PCDHGB2: variants seen among roughly 807,000 people sequenced by gnomAD.
PCDHGB2 encodes protocadherin gamma-B2.
PCDHGB2 carries 55 observed loss-of-function variants against 59.3 expected under a neutral mutation model. The ratio of observed to expected loss-of-function variants is 0.93; its 90% CI spans 0.75 to 1.16. The LOEUF (loss-of-function observed/expected upper bound fraction) is 1.16, where lower values mean the gene tolerates loss of function less well. PCDHGB2 is among the 50% of genes most tolerant of loss of function. The pLI, the probability that PCDHGB2 is intolerant of heterozygous loss-of-function variation, is 0.00. For missense variants in PCDHGB2, 1,228 were observed against 1,198.5 expected, an observed-to-expected ratio of 1.02 and a Z score of -0.36; for synonymous variants, 516 against 512.0, an observed-to-expected ratio of 1.01 and a Z score of -0.11.
At chr5:141,371,952 T>A in intron 1 of PCDHGB2, 1 of 1,613,260 alleles carries the variant, frequency 6.2e-7, no homozygotes. Flanking sequence ...GCAGCGAGCC[T>A]TCGACCACGA....
At chr5:141,390,859 T>C (rs951468573) in intron 1 of PCDHGB2, 3 of 151,114 alleles carry the variant, frequency 2.0e-5, no homozygotes, top group Admixed American at 1.3e-4. Flanking sequence ...CAGTGTACGC[T>C]GTGTGTGCGT....
intron 1 of PCDHGB2, among the ~76,000 whole-genome samples, chr5:141,472,924 T>G (rs1247655318): frequency 2.0e-5 from 3 of 147,960 alleles, no homozygotes; most frequent in African/African-American, 7.5e-5. Flanking sequence ...AGGAGGAGGT[T>G]GTGGTGAGCC....
At position 141,423,386 on chromosome 5, in the gene PCDHGB2, G is replaced by C; in HGVS notation, c.2421+60830G>C. ...CTGCTGGCACTCAGGCTGTGGCGCT[G>C]GCATAAGTCACGCCTGCTGCAGGCT... On this transcript the variant is annotated intron_variant, in intron 1 of 3. Transcript: ENST00000522605. The C allele has an allele frequency of 1.9e-6, 3 of 1,614,160 alleles. No homozygotes were observed. The South Asian group carries it at 3.3e-5, about 18-fold the overall frequency.
intron 2 of PCDHGB2, among the ~76,000 whole-genome samples, chr5:141,504,741 T>C (rs968590796): frequency 2.6e-5 from 4 of 151,826 alleles, no homozygotes; most frequent in South Asian, 2.1e-4. Context: ...TAGGAAGCCA[T>C]TGAATTTTAG....
rs1255326344 is a variant in PCDHGB2, at chr5:141,431,636, A to G, written c.2422-63171A>G. 6.2e-7 allele frequency: 1 copy of G among 1,614,254 alleles called. No homozygotes were observed. ...GGACGACAAGGCGGCCCAAGTTTTC[A>G]AACTAGATTGTAATTCAGGGACAAT... On this transcript the variant is annotated intron_variant, in intron 1 of 3. Transcript: ENST00000522605. This position sits in a 1 kb window ranked among gnomAD's most constrained non-coding sequence, Gnocchi z 4.8.
chr5:141,436,287 T>A (rs565612572), intron 1 of PCDHGB2, among the ~76,000 whole-genome samples: 1 of 152,262 alleles, frequency 6.6e-6, no homozygotes, highest in Admixed American at 6.5e-5. Context: ...TAGGAACAAA[T>A]CATTGAGAGT....
chr5:141,490,374 C>T lies in PCDHGB2; in HGVS notation c.2422-4433C>T, dbSNP rs1452417604. 1.2e-6 allele frequency: 2 copies of T among 1,614,082 alleles called. No homozygotes were observed. Among genetic ancestry groups the T allele is most frequent in the Middle Eastern group, 1.6e-4 (1 of 6,084 alleles). ...GGTTGTTTAATGTGCGAGACCGGGA[C>T]TCAGGTAGAAATGGTGAAGTGAGCC... On this transcript the variant is annotated intron_variant, in intron 1 of 3. Coordinates refer to ENST00000522605, the MANE Select transcript of PCDHGB2 (RefSeq NM_018923.3). This position sits in a 1 kb window ranked among gnomAD's most constrained non-coding sequence, Gnocchi z 5.4.
chr5:141,364,942 A>G (rs768570129), intron 1 of PCDHGB2: 1 of 1,613,802 alleles, frequency 6.2e-7, no homozygotes, highest in East Asian at 2.2e-5. Context: ...ACCGCGAGAA[A>G]GAGACTGTTC....
At chr5:141,376,518 T>G in intron 1 of PCDHGB2, 1 of 1,613,924 alleles carries the variant, frequency 6.2e-7, no homozygotes, top group Non-Finnish European at 8.5e-7. Context: ...GTGAGTTTCT[T>G]TCCGCCTAAG....
chr5:141,371,147 T>G (rs1383396635), intron 1 of PCDHGB2: 1 of 1,614,026 alleles, frequency 6.2e-7, no homozygotes, highest in South Asian at 1.1e-5. Context: ...GGGTCAATGT[T>G]GCAGAGAACC....
intron 1 of PCDHGB2, chr5:141,426,778 C>A (rs780981970): frequency 2.2e-6 from 1 of 456,716 alleles, no homozygotes; most frequent in South Asian, 1.5e-5. Context: ...GGGCCTCACT[C>A]TCTCCAGAGT....
At chr5:141,421,613 A>G in intron 1 of PCDHGB2, 2 of 1,613,838 alleles carry the variant, frequency 1.2e-6, no homozygotes, top group South Asian at 2.2e-5. Flanking sequence ...GATATTAATG[A>G]TAACGCCCCC....
rs372168887 is a variant in PCDHGB2, at chr5:141,477,322, C to T, written c.2422-17485C>T. On this transcript the variant is annotated intron_variant, in intron 1 of 3. Transcript: ENST00000522605. The surrounding 1 kb of genome is among the most constrained non-coding windows in gnomAD (Gnocchi z 4.9). The stretch of plus-strand genomic sequence containing the variant: ...GTCTCCCTTTCAGCCTTACTTCTTC[C>T]CTCAAGAATTACTTCACTTTGAAAA... 17 of 1,614,050 alleles carry T rather than the reference C, an allele frequency of 1.1e-5. No homozygotes were observed. In the African/African-American group the frequency reaches 1.5e-4, roughly 14 times the overall value.
Position 141,512,594 on chromosome 5 carries a change from G to C in PCDHGB2, c.*1421G>C, listed in dbSNP as rs981124898. On this transcript the variant is annotated 3_prime_UTR_variant, in exon 4 of 4. Transcript: ENST00000522605. ...CACCCCCTTCTGCCCCTGGGTCCCC[G>C]GCCATCCAGCGGGGCTGCCAGAGAA... 1 of 152,812 alleles carries C rather than the reference G, an allele frequency of 6.5e-6. No homozygotes were observed. The highest frequency in any genetic ancestry group is 6.5e-5 in the Admixed American group (1 of 15,280). The allele number at this position is 152,812 out of a possible 1,614,324, so 9.5% of individuals were successfully genotyped here. A position where few individuals can be genotyped will look rare whatever the true frequency, so the allele number is the denominator to read the frequency against.
chr5:141,492,942 G>A (rs897160295), intron 1 of PCDHGB2, among the ~76,000 whole-genome samples: 3 of 152,220 alleles, frequency 2.0e-5, no homozygotes, highest in African/African-American at 7.2e-5. Context: ...GAGATTTGGA[G>A]GTGACCAAAC....
intron 1 of PCDHGB2, chr5:141,388,978 C>G: frequency 6.2e-7 from 1 of 1,613,972 alleles, no homozygotes; most frequent in Non-Finnish European, 8.5e-7. Flanking sequence ...ACACATATTG[C>G]TTTGCTCAAA....
chr5:141,418,738 T>G lies in PCDHGB2; in HGVS notation c.2421+56182T>G, dbSNP rs781221446. 4.3e-6 allele frequency: 7 copies of G among 1,613,964 alleles called. No homozygotes were observed. In the South Asian group the frequency reaches 6.6e-5, roughly 15 times the overall value. On this transcript the variant is annotated intron_variant, in intron 1 of 3. Transcript: ENST00000522605. ...CTGACAAAGCTCAGCACGTGTTCTC[T>G]CTGGATTACACTACAGGAAACATTC...
chr5:141,388,769 C>T (rs1216196772), intron 1 of PCDHGB2: 23 of 1,613,914 alleles, frequency 1.4e-5, no homozygotes, highest in Non-Finnish European at 1.9e-5. Flanking sequence ...TGAACTCTAA[C>T]ACCGGGGAAA....
At chr5:141,499,606 C>T (rs2099792968) in intron 2 of PCDHGB2, among the ~76,000 whole-genome samples, 1 of 152,028 alleles carries the variant, frequency 6.6e-6, no homozygotes, top group African/African-American at 2.4e-5. Context: ...TATCCCTACC[C>T]TTATCCTGTC....
Sources: allele counts gnomAD v4.1 joint callset (sites outside exome capture counted in the v4.1 genomes callset), GRCh38; gene constraint gnomAD v4.1.1; non-coding constraint Gnocchi (gnomAD v3.1); transcripts MANE v1.5; gene names NCBI Gene and HGNC (gene_info 2026-07-23, HGNC 2026-07-21).